XPO4: variants seen among roughly 807,000 people sequenced by gnomAD.
XPO4 encodes exportin 4.
XPO4 carries 39 observed loss-of-function variants against 143.0 expected under a neutral mutation model. The ratio of observed to expected loss-of-function variants is 0.27; its 90% CI spans 0.21 to 0.36. The LOEUF (loss-of-function observed/expected upper bound fraction) is 0.36. Among genes scored for constraint, XPO4 ranks in the 10% least tolerant of loss-of-function variants. The probability of loss-of-function intolerance (pLI) is 1.00; values close to 1 mark genes in which losing one functional copy is unlikely to be tolerated. For missense variants in XPO4, 907 were observed against 1,348.0 expected (o/e 0.67, Z 5.12); for synonymous variants, 439 against 474.0 (o/e 0.93, Z 0.96).
intron 22 of XPO4, 24 bp downstream of exon 22, chr13:20,786,941 C>T: frequency 6.5e-7 from 1 of 1,535,054 alleles, no homozygotes; most frequent in East Asian, 2.5e-5. Context: ...AGAAGAGTCC[C>T]CTGAAAAGAG....
intron 9 of XPO4, among the ~76,000 whole-genome samples, chr13:20,815,084 C>T (rs189999081): frequency 5.9e-5 from 9 of 152,234 alleles, no homozygotes; most frequent in East Asian, 3.9e-4. Context: ...CAACACTACA[C>T]GATTCCAACT....
At chr13:20,798,896 C>T (rs1358808371) in intron 16 of XPO4, among the ~76,000 whole-genome samples, 1 of 151,984 alleles carries the variant, frequency 6.6e-6, no homozygotes, top group Non-Finnish European at 1.5e-5. Flanking sequence ...TGGCATGAGT[C>T]TGTAGTCCCA....
intron 21 of XPO4, 63 bp from the exon 22 acceptor site, chr13:20,787,120 C>T (rs1414430382): frequency 7.5e-7 from 1 of 1,340,018 alleles, no homozygotes; most frequent in African/African-American, 1.5e-5. Context: ...CAGTCCCTCC[C>T]CAGTCCAAAA....
intron 21 of XPO4, 141 bp downstream of exon 21, chr13:20,787,340 G>GA (rs1249188692): frequency 7.5e-6 from 6 of 802,262 alleles, no homozygotes; most frequent in East Asian, 2.6e-5. Flanking sequence ...CTGATCTCCA[G>GA]AAAAAAACAG....
At chr13:20,899,151 T>C (rs543263877) in intron 1 of XPO4, among the ~76,000 whole-genome samples, 48 of 152,208 alleles carry the variant, frequency 3.2e-4, no homozygotes, top group African/African-American at 1.0e-3. Context: ...TTGATGTCCA[T>C]GGGTGGAGGC....
At chr13:20,856,133 C>T (rs2060140929) in intron 3 of XPO4, among the ~76,000 whole-genome samples, 1 of 151,598 alleles carries the variant, frequency 6.6e-6, no homozygotes, top group Non-Finnish European at 1.5e-5. Flanking sequence ...TAAGTCAGCT[C>T]CCTGTTAAAT....
chr13:20,826,927 TTC>T (rs1217974567), intron 7 of XPO4, 138 bp downstream of exon 7: 1 of 582,030 alleles, frequency 1.7e-6, no homozygotes, highest in Non-Finnish European at 3.1e-6. Context: ...TTAAAATAAT[TTC>T]TGTTTAAGCA....
In XPO4 at chr13:20,846,235, A is replaced by G. The variant is rs186905392; in HGVS notation, c.457-2349T>C. Reference sequence around the variant, plus strand: ...TCACCATATTCAAGTTTTCAGGAACATCTCTCTAATTAATGATCACAGCCA... The same window carrying G: ...TCACCATATTCAAGTTTTCAGGAACGTCTCTCTAATTAATGATCACAGCCA... On this transcript the variant is annotated intron_variant, in intron 4 of 22. Coordinates refer to ENST00000255305, the MANE Select transcript of XPO4 (RefSeq NM_022459.5). 3.3e-5 allele frequency among the ~76,000 whole-genome samples: 5 copies of G among 152,346 alleles called. No individual in the cohort carries two copies. In the East Asian group the frequency reaches 9.6e-4, roughly 29 times the overall value.
At chr13:20,805,072 G>A (rs1233411270) in intron 13 of XPO4, among the ~76,000 whole-genome samples, 1 of 151,986 alleles carries the variant, frequency 6.6e-6, no homozygotes, top group East Asian at 1.9e-4. Context: ...AGCCTCCTGA[G>A]TAGCTGGGAC....
intron 6 of XPO4, among the ~76,000 whole-genome samples, chr13:20,832,534 A>T (rs560344428): frequency 6.6e-6 from 1 of 152,352 alleles, no homozygotes; most frequent in East Asian, 1.9e-4. Context: ...TGGGCATTTC[A>T]CATAAGTAAT....
At chr13:20,823,567 G>GT (rs1212643678) in intron 7 of XPO4, among the ~76,000 whole-genome samples, 1 of 134,982 alleles carries the variant, frequency 7.4e-6, no homozygotes, top group African/African-American at 2.6e-5. Context: ...AAGAATGGTT[G>GT]TGTTTTTTTC....
At chr13:20,823,808 C>T (rs895613135) in intron 7 of XPO4, among the ~76,000 whole-genome samples, 5 of 152,144 alleles carry the variant, frequency 3.3e-5, no homozygotes, top group Admixed American at 6.6e-5. Context: ...CGTGCCACGG[C>T]GCCTGGCTAA....
At chr13:20,902,097 T>G (rs577835062) in intron 1 of XPO4, 2 of 985,404 alleles carry the variant, frequency 2.0e-6, no homozygotes, top group African/African-American at 1.7e-5. Flanking sequence ...TTTGCCCCAA[T>G]GACCTTGGTC....
Position 20,790,470 on chromosome 13 carries a change from G to T in XPO4, c.2908C>A (p.Leu970Ile). ...NLILPLMSQD[L>I]LKFPTLCNQY... Reference sequence around the variant, plus strand: ...TCAATTTCATTAATTACCTTCAAGAGATCCTGTGACATCAAGGGCAGAATT... The same window carrying T: ...TCAATTTCATTAATTACCTTCAAGATATCCTGTGACATCAAGGGCAGAATT... Residue 970 changes from leucine to isoleucine, a missense_variant, in exon 19 of 23, where the codon CTC becomes ATC. Transcript: ENST00000255305. 6.2e-7 allele frequency: 1 copy of T among 1,612,564 alleles called. No individual in the cohort carries two copies. The highest frequency in any genetic ancestry group is 1.1e-5 in the South Asian group (1 of 91,058).
At chr13:20,889,570 C>T (rs532859580) in intron 1 of XPO4, among the ~76,000 whole-genome samples, 2 of 152,174 alleles carry the variant, frequency 1.3e-5, no homozygotes, top group African/African-American at 4.8e-5. Flanking sequence ...AGTATCCACC[C>T]GAAATGCTAA....
chr13:20,800,399 G>T lies in XPO4; in HGVS notation c.1978-74C>A, dbSNP rs549976229. 4.9e-6 allele frequency: 7 copies of T among 1,435,160 alleles called. No homozygotes were observed. In the South Asian group the frequency reaches 6.7e-5, roughly 14 times the overall value. The allele number at this position is 1,435,160 out of a possible 1,614,324, so 88.9% of individuals were successfully genotyped here. On this transcript the variant is annotated intron_variant, in intron 14 of 22. Coordinates refer to ENST00000255305, the MANE Select transcript of XPO4 (RefSeq NM_022459.5). ...AAGAAAAAAAAAACAGAGAAAAATC[G>T]AACTGAAATTAGTATCTAATCTGAA...
rs2059168652 is a variant in XPO4, at chr13:20,783,868, C to G, written c.3310G>C (p.Val1104Leu). The G allele has an allele frequency of 1.9e-6, 3 of 1,614,158 alleles. No homozygotes were observed. The highest frequency in any genetic ancestry group is 1.1e-5 in the South Asian group (1 of 91,084). ...GCATCTGCTAATCTCTGGTAAATAA[C>G]TGGGTCTTGCTGACTTGATAGTAAT... ...ETLLSSQQDP[V>L]IYQRLADAFN... Residue 1104 changes from valine (V) to leucine (L), a missense_variant, in exon 23 of 23, where the codon GTT becomes CTT. Val to Leu is a conservative substitution (Grantham distance 32, BLOSUM62 1). Coordinates refer to ENST00000255305, the MANE Select transcript of XPO4 (RefSeq NM_022459.5).
intron 1 of XPO4, among the ~76,000 whole-genome samples, chr13:20,887,837 G>A (rs2060474916): frequency 6.6e-6 from 1 of 151,690 alleles, no homozygotes; most frequent in Non-Finnish European, 1.5e-5. Context: ...CTCCAGCCTG[G>A]GCGACAGTCA....
chr13:20,854,208 T>C (rs2060118331), intron 4 of XPO4, among the ~76,000 whole-genome samples: 1 of 152,228 alleles, frequency 6.6e-6, no homozygotes, highest in South Asian at 2.1e-4. Context: ...CTGATCAGCT[T>C]GCTTACAGAT....
Sources: allele counts gnomAD v4.1 joint callset (sites outside exome capture counted in the v4.1 genomes callset), GRCh38; gene constraint gnomAD v4.1.1; transcripts MANE v1.5; gene names NCBI Gene and HGNC (gene_info 2026-07-23, HGNC 2026-07-21).